The following EPC2 variants were observed in gnomAD, a reference collection of about 807,000 sequenced individuals.
EPC2 encodes the protein enhancer of polycomb 2, also known as enhancer of polycomb homolog 2.
A neutral mutation model predicts 92.1 loss-of-function variants in EPC2; 14 were observed. The ratio of observed to expected loss-of-function variants is 0.15; its 90% CI spans 0.10 to 0.24. The LOEUF (loss-of-function observed/expected upper bound fraction) is 0.24, where lower values mean the gene tolerates loss of function less well. Among genes scored for constraint, EPC2 ranks in the 10% least tolerant of loss-of-function variants. The pLI is 1.00. For synonymous variants in EPC2, 340 were observed against 334.7 expected (o/e 1.02, Z -0.17); for missense variants, 755 against 971.5 (o/e 0.78, Z 2.96).
chr2:148,726,758 G>GTTTTTTTTTTTTTTTTTTTTTTTTTT (rs1448355101), intron 2 of EPC2, among the ~76,000 whole-genome samples: 1 of 75,288 alleles, frequency 1.3e-5, no homozygotes, highest in Non-Finnish European at 3.2e-5. Flanking sequence ...TTTTTGTTTT[G>GTTTTTTTTTTTTTTTTTTTTTTTTTT]TTTTTTGTTT....
intron 2 of EPC2, among the ~76,000 whole-genome samples, chr2:148,700,944 A>G (rs1681873501): frequency 6.6e-6 from 1 of 152,062 alleles, no homozygotes; most frequent in Non-Finnish European, 1.5e-5. Context: ...TATTTCTTTC[A>G]TCAGACTTTT....
intron 8 of EPC2, 136 bp from the exon 9 acceptor site, chr2:148,770,656 A>G (rs940970816): frequency 1.0e-6 from 1 of 995,890 alleles, no homozygotes; most frequent in Non-Finnish European, 1.4e-6. Context: ...ATGAAGCCCC[A>G]CTTTTACAGT....
At chr2:148,655,535 C>T (rs778647451) in intron 1 of EPC2, among the ~76,000 whole-genome samples, 10 of 152,046 alleles carry the variant, frequency 6.6e-5, no homozygotes, top group Non-Finnish European at 1.3e-4. Flanking sequence ...CATAATTTGA[C>T]GTGAAAAGAT....
chr2:148,678,670 C>T (rs558561931), intron 1 of EPC2, among the ~76,000 whole-genome samples: 16 of 152,374 alleles, frequency 1.1e-4, no homozygotes, highest in Non-Finnish European at 2.2e-4. Flanking sequence ...TGCCTGGGGC[C>T]GGCTGCTCCG....
intron 1 of EPC2, among the ~76,000 whole-genome samples, chr2:148,677,422 C>T (rs1681290543): frequency 6.6e-6 from 1 of 152,168 alleles, no homozygotes; most frequent in South Asian, 2.1e-4. Context: ...TGCTTGTAAT[C>T]CCAACACTTT....
intron 1 of EPC2, among the ~76,000 whole-genome samples, chr2:148,685,643 C>T (rs1681502113): frequency 6.6e-6 from 1 of 152,182 alleles, no homozygotes; most frequent in Non-Finnish European, 1.5e-5. Flanking sequence ...AGCCTGTAGT[C>T]CCAGCTACTC....
chr2:148,651,727 C>T (rs1680688643), intron 1 of EPC2, among the ~76,000 whole-genome samples: 1 of 152,186 alleles, frequency 6.6e-6, no homozygotes, highest in Non-Finnish European at 1.5e-5. Flanking sequence ...ACTACTATCT[C>T]AGCTAACATT....
At chr2:148,678,005 CT>C (rs1411338645) in intron 1 of EPC2, among the ~76,000 whole-genome samples, 1 of 152,194 alleles carries the variant, frequency 6.6e-6, no homozygotes, top group Non-Finnish European at 1.5e-5. Context: ...GTTGCCACTG[CT>C]GGCTCCCGCA....
Position 148,690,339 on chromosome 2 carries a change from G to C in EPC2, c.279G>C (p.Glu93Asp). ...VNYYNRLYKG[E>D]FKQPKQFIHI... Reference sequence around the variant, plus strand: ...ATTACAATCGCTTGTACAAAGGAGAGTTTAAACAGCCAAAACAGTTCATTC... The same window carrying C: ...ATTACAATCGCTTGTACAAAGGAGACTTTAAACAGCCAAAACAGTTCATTC... The change falls in exon 2 of 14, where the codon GAG becomes GAC. Residue 93 changes from glutamate (E) to aspartate (D), a missense_variant. By Grantham distance (45) the Glu-to-Asp change is conservative (BLOSUM62 2). Coordinates refer to ENST00000258484, the MANE Select transcript of EPC2 (RefSeq NM_015630.4). 1.2e-6 allele frequency: 2 copies of C among 1,608,906 alleles called. No individual in the cohort carries two copies. The highest frequency in any genetic ancestry group is 4.5e-5 in the East Asian group (2 of 44,680).
At chr2:148,706,637 A>G (rs1331794325) in intron 2 of EPC2, among the ~76,000 whole-genome samples, 1 of 152,250 alleles carries the variant, frequency 6.6e-6, no homozygotes, top group Non-Finnish European at 1.5e-5. Context: ...TATCAGACTA[A>G]CAGCGGATCT....
chr2:148,696,847 T>C (rs1405799635), intron 2 of EPC2, among the ~76,000 whole-genome samples: 1 of 152,238 alleles, frequency 6.6e-6, no homozygotes, highest in Non-Finnish European at 1.5e-5. Context: ...GAAATTTGCC[T>C]TCTCATCTTA....
At chr2:148,658,384 T>C (rs934144553) in intron 1 of EPC2, among the ~76,000 whole-genome samples, 1 of 152,044 alleles carries the variant, frequency 6.6e-6, no homozygotes, top group African/African-American at 2.4e-5. Flanking sequence ...AAGTAGAACA[T>C]GAAAAGGATG....
chr2:148,707,597 AG>A (rs1302197937), intron 2 of EPC2, among the ~76,000 whole-genome samples: 1 of 152,210 alleles, frequency 6.6e-6, no homozygotes, highest in Non-Finnish European at 1.5e-5. Flanking sequence ...TGTAGTTGGA[AG>A]TAAAGCATTC....
intron 3 of EPC2, among the ~76,000 whole-genome samples, chr2:148,750,654 TG>T (rs1379713087): frequency 6.6e-6 from 1 of 152,152 alleles, no homozygotes; most frequent in Non-Finnish European, 1.5e-5. Context: ...AGGGGTCATT[TG>T]CTAAATAAGA....
chr2:148,693,443 T>G (rs1681681596), intron 2 of EPC2, among the ~76,000 whole-genome samples: 1 of 152,178 alleles, frequency 6.6e-6, no homozygotes, highest in South Asian at 2.1e-4. Context: ...GTCTGTTGAC[T>G]ATAGGATAAA....
chr2:148,690,306 C>T lies in EPC2; in HGVS notation c.246C>T (p.Asn82=), dbSNP rs781181092. The part of the protein sequence containing the change: ...MVIPVPEAES[N]VNYYNRLYKG... ...TTCCTGTTCCTGAGGCAGAGAGCAA[C>T]GTCAACTATTACAATCGCTTGTACA... Residue 82 remains asparagine (N), a synonymous_variant, in exon 2 of 14, where the codon AAC becomes AAT. Coordinates refer to ENST00000258484, the MANE Select transcript of EPC2 (RefSeq NM_015630.4). 6 of 1,612,684 alleles carry T rather than the reference C, an allele frequency of 3.7e-6. No individual in the cohort carries two copies. The highest frequency in any genetic ancestry group is 1.1e-5 in the South Asian group (1 of 90,850).
chr2:148,700,135 GAT>G (rs2105376810), intron 2 of EPC2, among the ~76,000 whole-genome samples: 1 of 152,212 alleles, frequency 6.6e-6, no homozygotes, highest in East Asian at 1.9e-4. Context: ...GTCCTGTAGA[GAT>G]ATGTATTTTG....
chr2:148,777,013 C>T (rs1379162603), intron 10 of EPC2, among the ~76,000 whole-genome samples: 2 of 151,946 alleles, frequency 1.3e-5, no homozygotes, highest in Non-Finnish European at 2.9e-5. Context: ...GCACGTGCCA[C>T]CACACCCAGC....
At chr2:148,751,462 A>C (rs1683081666) in intron 3 of EPC2, among the ~76,000 whole-genome samples, 4 of 152,106 alleles carry the variant, frequency 2.6e-5, no homozygotes, top group Admixed American at 2.6e-4. Context: ...CCAGTTAAGT[A>C]ACTGGTTTCT....
Sources: allele counts gnomAD v4.1 joint callset (sites outside exome capture counted in the v4.1 genomes callset), GRCh38; gene constraint gnomAD v4.1.1; transcripts MANE v1.5; gene names NCBI Gene and HGNC (gene_info 2026-07-23, HGNC 2026-07-21).